The following ADARB1 variants were observed in gnomAD, a reference collection of about 807,000 sequenced individuals.
The protein encoded by ADARB1 is adenosine deaminase RNA specific B1, also known as double-stranded RNA-specific editase 1.
ADARB1 carries 10 observed loss-of-function variants against 52.4 expected under a neutral mutation model. The observed-to-expected ratio is 0.19, with a 90% CI of 0.12 to 0.32. The LOEUF is 0.32. Among genes scored for constraint, ADARB1 ranks in the 10% least tolerant of loss-of-function variants. The probability of loss-of-function intolerance (pLI) is 1.00; values close to 1 mark genes in which losing one functional copy is unlikely to be tolerated. For missense variants in ADARB1, 643 were observed against 922.3 expected, an observed-to-expected ratio of 0.70 and a Z score of 3.92; for synonymous variants, 349 against 371.1, an observed-to-expected ratio of 0.94 and a Z score of 0.68.
chr21:45,110,416 G>A (rs1183912117), intron 1 of ADARB1, among the ~76,000 whole-genome samples: 2 of 152,208 alleles, frequency 1.3e-5, no homozygotes, highest in Non-Finnish European at 2.9e-5. Flanking sequence ...CTCTACCTGG[G>A]TGTGGTGACT....
intron 2 of ADARB1, among the ~76,000 whole-genome samples, chr21:45,141,254 A>G (rs574657817): frequency 7.7e-4 from 118 of 152,320 alleles, no homozygotes; most frequent in African/African-American, 2.8e-3. Context: ...TTATGATTCT[A>G]TTGTTTTAAG....
At chr21:45,203,452 G>T (rs2092603698) in intron 8 of ADARB1, among the ~76,000 whole-genome samples, 1 of 152,154 alleles carries the variant, frequency 6.6e-6, no homozygotes, top group Non-Finnish European at 1.5e-5. Flanking sequence ...TAGCTCCTGA[G>T]CTGTATCTCC....
chr21:45,193,856 A>G (rs979861063), intron 8 of ADARB1, among the ~76,000 whole-genome samples: 2 of 152,212 alleles, frequency 1.3e-5, no homozygotes, highest in African/African-American at 4.8e-5. Flanking sequence ...GAGATACATC[A>G]TGGTCACTGG....
chr21:45,222,377 G>A lies in ADARB1; in HGVS notation c.*180G>A, dbSNP rs1602084491. ...ACATCAGACCTGGGGCAGGTGCGCA[G>A]TGTGGGGAGGGGATGGGGTGCGTCA... On this transcript the variant is annotated 3_prime_UTR_variant, in exon 11 of 11. Transcript: ENST00000348831. The A allele has an allele frequency of 7.4e-7, 1 of 1,346,864 alleles. No homozygotes were observed. The highest frequency in any genetic ancestry group is 9.5e-7 in the Non-Finnish European group (1 of 1,056,200). 83.4% of individuals were successfully genotyped at this position (1,346,864 alleles called of 1,614,324 possible).
chr21:45,207,131 G>C (rs112770071), intron 9 of ADARB1, among the ~76,000 whole-genome samples: 6 of 152,166 alleles, frequency 3.9e-5, no homozygotes, highest in Admixed American at 6.5e-5. Flanking sequence ...GAAAATAAAA[G>C]GACACCACTC....
intron 1 of ADARB1, among the ~76,000 whole-genome samples, chr21:45,099,450 A>AG (rs1322093804): frequency 2.0e-5 from 3 of 152,008 alleles, no homozygotes; most frequent in African/African-American, 7.3e-5. Flanking sequence ...GGATCACTTG[A>AG]GGTCAGGAGT....
In ADARB1 at chr21:45,081,737, T is replaced by C. The variant is rs547107004; in HGVS notation, c.-220+6944T>C. ...TCTGGGAAGGCCTCTCTGAGTGCGA[T>C]GTGGTACGCTGAGGCCCAGAGGGAA... On this transcript the variant is annotated intron_variant, in intron 1 of 10. Coordinates refer to ENST00000348831, the MANE Select transcript of ADARB1 (RefSeq NM_001112.4). 1.6e-4 allele frequency among the ~76,000 whole-genome samples: 25 copies of C among 152,278 alleles called. No homozygotes were observed. The South Asian group carries it at 2.9e-3, about 18-fold the overall frequency.
At chr21:45,130,581 TTAAATAAAAA>T (rs1393197831) in intron 2 of ADARB1, among the ~76,000 whole-genome samples, 1 of 151,912 alleles carries the variant, frequency 6.6e-6, no homozygotes, top group East Asian at 1.9e-4. Flanking sequence ...TCAGGGTGGT[TTAAATAAAAA>T]TAAATAAACA....
In ADARB1 at chr21:45,183,413, G is replaced by C. The variant is rs1170982305; in HGVS notation, c.1299G>C (p.Gly433=). 1.2e-6 allele frequency: 2 copies of C among 1,610,472 alleles called. No homozygotes were observed. The highest frequency in any genetic ancestry group is 3.4e-5 in the Admixed American group (2 of 59,092). The change falls in exon 7 of 11, where the codon GGG becomes GGC. Residue 433 remains glycine, a synonymous_variant. Transcript: ENST00000348831. The part of the protein sequence containing the change: ...RSIFQKSERG[G]FRLKENVQFH... The stretch of plus-strand genomic sequence containing the variant: ...TCTTTCAGAAATCAGAGCGAGGGGG[G>C]TTTAGGCTGAAGGAGAATGTCCAGT...
At chr21:45,138,092 G>A (rs182243046) in intron 2 of ADARB1, among the ~76,000 whole-genome samples, 98 of 152,292 alleles carry the variant, frequency 6.4e-4, no homozygotes, top group African/African-American at 2.4e-3. Context: ...TTAGATATTT[G>A]TATTTCTATA....
chr21:45,197,219 T>C (rs1395239994), intron 8 of ADARB1, among the ~76,000 whole-genome samples: 1 of 151,414 alleles, frequency 6.6e-6, no homozygotes, highest in Non-Finnish European at 1.5e-5. Context: ...GTTACAGATA[T>C]GGCCAGGCGT....
At chr21:45,137,114 G>C (rs1265237196) in intron 2 of ADARB1, 1 of 152,236 alleles carries the variant, frequency 6.6e-6, no homozygotes, top group Non-Finnish European at 1.5e-5. Context: ...TAAACTAAAA[G>C]TAATGAATCC....
intron 2 of ADARB1, among the ~76,000 whole-genome samples, chr21:45,150,779 C>G (rs1275254171): frequency 1.3e-5 from 2 of 152,318 alleles, no homozygotes; most frequent in Admixed American, 6.5e-5. Context: ...AGGGGTCCCT[C>G]TGGAAATGTG....
In ADARB1 at chr21:45,225,576, C is replaced by A; in HGVS notation, c.*3379C>A. On this transcript the variant is annotated 3_prime_UTR_variant, in exon 11 of 11. Transcript: ENST00000348831. ...ACTGAGGAGGGGACGGCTCCGTCTT[C>A]ACATTGTGCACAGATCTGAGGATGG... 1 of 1,334,376 alleles carries A rather than the reference C, an allele frequency of 7.5e-7. No individual in the cohort carries two copies. The highest frequency in any genetic ancestry group is 2.9e-5 in the Admixed American group (1 of 34,952). 82.7% of individuals were successfully genotyped at this position (1,334,376 alleles called of 1,614,324 possible). A position where few individuals can be genotyped will look rare whatever the true frequency, so the allele number is the denominator to read the frequency against.
Position 45,223,268 on chromosome 21 carries a change from A to G in ADARB1, c.*1071A>G. On this transcript the variant is annotated 3_prime_UTR_variant, in exon 11 of 11. Transcript: ENST00000348831. ...GCTTTATCAAAGACATGTTTGAAAAATAAAAAGCATCCAAGTGAGAGCTGG... is the reference window on the plus strand; with the variant it reads ...GCTTTATCAAAGACATGTTTGAAAAGTAAAAAGCATCCAAGTGAGAGCTGG... 1.0e-6 allele frequency: 1 copy of G among 985,400 alleles called. No individual in the cohort carries two copies. Among genetic ancestry groups the G allele is most frequent in the Non-Finnish European group, 1.2e-6 (1 of 829,870 alleles). The allele number at this position is 985,400 out of a possible 1,614,324, so 61.0% of individuals were successfully genotyped here.
chr21:45,090,368 A>G (rs1024351083), intron 1 of ADARB1, among the ~76,000 whole-genome samples: 2 of 151,966 alleles, frequency 1.3e-5, no homozygotes, highest in Non-Finnish European at 2.9e-5. Context: ...CATTTTTTTC[A>G]TGTAGTTTAC....
chr21:45,131,639 A>G (rs868489926), intron 2 of ADARB1, among the ~76,000 whole-genome samples: 1 of 152,098 alleles, frequency 6.6e-6, no homozygotes, highest in Non-Finnish European at 1.5e-5. Flanking sequence ...CTCTGTGCAC[A>G]GTGTGGTGTG....
Position 45,222,531 on chromosome 21 carries a change from G to A in ADARB1, c.*334G>A. 1.8e-6 allele frequency: 2 copies of A among 1,102,020 alleles called. No homozygotes were observed. The highest frequency in any genetic ancestry group is 2.2e-6 in the Non-Finnish European group (2 of 905,364). 68.3% of individuals were successfully genotyped at this position (1,102,020 alleles called of 1,614,324 possible). A position where few individuals can be genotyped will look rare whatever the true frequency, so the allele number is the denominator to read the frequency against. ...ACTGAGTAGGGCTTCCTTAAGTTTA[G>A]GAAAATAGAAATTACTTTGTGTGAA... On this transcript the variant is annotated 3_prime_UTR_variant, in exon 11 of 11. Coordinates refer to ENST00000348831, the MANE Select transcript of ADARB1 (RefSeq NM_001112.4).
intron 1 of ADARB1, among the ~76,000 whole-genome samples, chr21:45,123,973 T>C (rs1032697407): frequency 5.3e-5 from 8 of 152,228 alleles, no homozygotes; most frequent in Non-Finnish European, 1.2e-4. Flanking sequence ...CCCCAATCAA[T>C]GTAGTTCAGT....
Sources: allele counts gnomAD v4.1 joint callset (sites outside exome capture counted in the v4.1 genomes callset), GRCh38; gene constraint gnomAD v4.1.1; transcripts MANE v1.5; gene names NCBI Gene and HGNC (gene_info 2026-07-23, HGNC 2026-07-21).